The following MAP4K3 variants were observed in gnomAD, a reference collection of about 807,000 sequenced individuals.
The protein encoded by MAP4K3 is mitogen-activated protein kinase kinase kinase kinase 3.
Under a neutral mutation model 143.5 loss-of-function variants are expected in MAP4K3, and 94 were observed. The observed-to-expected ratio is 0.65, with a 90% CI of 0.55 to 0.78. The LOEUF (loss-of-function observed/expected upper bound fraction) is 0.78. MAP4K3 is among the 30% of genes least tolerant of loss of function. The pLI, the probability that MAP4K3 is intolerant of heterozygous loss-of-function variation, is 0.00. For synonymous variants in MAP4K3, 416 were observed against 347.2 expected (o/e 1.20, Z -2.20); for missense variants, 1,077 against 1,068.1 (o/e 1.01, Z -0.12).
At chr2:39,428,735 A>G (rs984451739) in intron 1 of MAP4K3, among the ~76,000 whole-genome samples, 1 of 151,870 alleles carries the variant, frequency 6.6e-6, no homozygotes, top group African/African-American at 2.4e-5. Flanking sequence ...TTAAATAGTC[A>G]TTTTGCCTGT....
intron 12 of MAP4K3, among the ~76,000 whole-genome samples, chr2:39,319,983 T>C (rs1683251218): frequency 6.6e-6 from 1 of 152,184 alleles, no homozygotes; most frequent in Non-Finnish European, 1.5e-5. Flanking sequence ...TTTTATTTTT[T>C]AAACTTTGGT....
chr2:39,325,452 A>G (rs1683455729), intron 12 of MAP4K3, 66 bp downstream of exon 12: 2 of 1,087,454 alleles, frequency 1.8e-6, no homozygotes, highest in South Asian at 3.3e-5. Context: ...AGACGTACAT[A>G]CAGACACACA....
intron 3 of MAP4K3, among the ~76,000 whole-genome samples, chr2:39,347,259 T>C (rs1665319206): frequency 6.6e-6 from 1 of 152,202 alleles, no homozygotes; most frequent in African/African-American, 2.4e-5. Flanking sequence ...ATAATTCATA[T>C]AAAACAAAAG....
intron 1 of MAP4K3, among the ~76,000 whole-genome samples, chr2:39,406,158 G>A (rs914611718): frequency 4.6e-5 from 7 of 151,812 alleles, no homozygotes; most frequent in Non-Finnish European, 2.9e-5. Flanking sequence ...GAAAGAATGA[G>A]TTAGCTTGAA....
At chr2:39,339,123 C>T (rs749482889) in intron 4 of MAP4K3, among the ~76,000 whole-genome samples, 9 of 152,148 alleles carry the variant, frequency 5.9e-5, no homozygotes, top group African/African-American at 1.4e-4. Context: ...CACATTTACA[C>T]AAACTTAACA....
At chr2:39,320,345 C>A (rs144954566) in intron 12 of MAP4K3, among the ~76,000 whole-genome samples, 13 of 152,236 alleles carry the variant, frequency 8.5e-5, no homozygotes, top group African/African-American at 3.1e-4. Context: ...AGGCATTAAC[C>A]CATTTATACC....
chr2:39,366,637 G>A (rs1035721128), intron 2 of MAP4K3, among the ~76,000 whole-genome samples: 1 of 152,092 alleles, frequency 6.6e-6, no homozygotes, highest in African/African-American at 2.4e-5. Flanking sequence ...CCAGTGGAGG[G>A]GTTCGTTTAG....
chr2:39,251,695 G>T, intron 33 of MAP4K3, 135 bp downstream of exon 33: 1 of 691,028 alleles, frequency 1.4e-6, no homozygotes, highest in South Asian at 2.2e-5. Context: ...TCTGACCTGT[G>T]AATTCTTATA....
intron 15 of MAP4K3, among the ~76,000 whole-genome samples, chr2:39,305,240 A>AT (rs1450743244): frequency 2.0e-5 from 3 of 152,198 alleles, no homozygotes; most frequent in Non-Finnish European, 2.9e-5. Context: ...AGTAAAAAAA[A>AT]CAAAAACAAA....
intron 2 of MAP4K3, among the ~76,000 whole-genome samples, chr2:39,375,209 C>T (rs554439833): frequency 7.9e-5 from 12 of 151,856 alleles, no homozygotes; most frequent in African/African-American, 2.9e-4. Flanking sequence ...CAGTGAGCCA[C>T]GATCCTACCA....
intron 23 of MAP4K3, 23 bp downstream of exon 23, chr2:39,280,249 C>A: frequency 2.2e-6 from 3 of 1,344,454 alleles, no homozygotes; most frequent in South Asian, 1.8e-5. Flanking sequence ...AGGAAGATAA[C>A]AGATAAAAAC....
intron 1 of MAP4K3, among the ~76,000 whole-genome samples, chr2:39,387,072 C>T (rs1283609643): frequency 1.3e-5 from 2 of 152,086 alleles, no homozygotes; most frequent in Non-Finnish European, 2.9e-5. Context: ...CCTTGGCCTC[C>T]CAAAGTGCTG....
chr2:39,376,123 T>A (rs1345557915), intron 2 of MAP4K3, among the ~76,000 whole-genome samples: 1 of 152,182 alleles, frequency 6.6e-6, no homozygotes, highest in Non-Finnish European at 1.5e-5. Context: ...TTTAAGGAAG[T>A]GACAAACTGT....
intron 1 of MAP4K3, among the ~76,000 whole-genome samples, chr2:39,391,358 CAAA>C (rs755777714): frequency 5.5e-4 from 25 of 45,428 alleles, no homozygotes; most frequent in Admixed American, 8.3e-4. Flanking sequence ...GACTCCATCT[CAAA>C]AAAAAAAAAA....
In MAP4K3 at chr2:39,359,304, C is replaced by G. The variant is rs569801633; in HGVS notation, c.155-2965G>C. ...TTAAATCTTAAAGTTCCAAAATGAC[C>G]TCTTTTGACTCCATGTCTCACATCC... On this transcript the variant is annotated intron_variant, in intron 2 of 33. Transcript: ENST00000263881. 2.0e-5 allele frequency among the ~76,000 whole-genome samples: 3 copies of G among 152,222 alleles called. No homozygotes were observed. The South Asian group carries it at 6.2e-4, about 32-fold the overall frequency.
chr2:39,335,983 G>A (rs748356089), intron 6 of MAP4K3, among the ~76,000 whole-genome samples: 2 of 151,944 alleles, frequency 1.3e-5, no homozygotes, highest in Non-Finnish European at 2.9e-5. Flanking sequence ...AAACAAAAGG[G>A]GAAGAGAGAA....
chr2:39,421,140 A>T (rs1667534535), intron 1 of MAP4K3, among the ~76,000 whole-genome samples: 1 of 152,196 alleles, frequency 6.6e-6, no homozygotes, highest in Non-Finnish European at 1.5e-5. Context: ...CCTGCCATCA[A>T]GTAGCTCACT....
intron 1 of MAP4K3, among the ~76,000 whole-genome samples, chr2:39,390,677 A>G (rs1331717839): frequency 2.6e-5 from 4 of 152,192 alleles, no homozygotes; most frequent in African/African-American, 9.7e-5. Context: ...TACGTATATC[A>G]TTAAGTGTCC....
At chr2:39,350,909 C>T (rs895155713) in intron 3 of MAP4K3, among the ~76,000 whole-genome samples, 14 of 152,102 alleles carry the variant, frequency 9.2e-5, no homozygotes, top group Admixed American at 9.2e-4. Context: ...GGGGTTCAAC[C>T]AATCGCAGGT....
Sources: gnomAD v4.1 joint callset for allele counts (sites outside exome capture counted in the v4.1 genomes callset) on GRCh38, gnomAD v4.1.1 for gene constraint, MANE v1.5 for transcripts, NCBI Gene and HGNC (gene_info 2026-07-23, HGNC 2026-07-21) for gene names.